The following L3MBTL4 variants were observed in gnomAD, a reference collection of about 807,000 sequenced individuals.
The protein encoded by L3MBTL4 is lethal(3)malignant brain tumor-like protein 4.
L3MBTL4 carries 70 observed loss-of-function variants against 84.5 expected under a neutral mutation model. The ratio of observed to expected loss-of-function variants is 0.83; its 90% CI spans 0.68 to 1.01. The LOEUF (loss-of-function observed/expected upper bound fraction) is 1.01, where lower values mean the gene tolerates loss of function less well. L3MBTL4 is among the 50% of genes least tolerant of loss of function. L3MBTL4 has a pLI of 0.00. For synonymous variants in L3MBTL4, 274 were observed against 259.8 expected, an observed-to-expected ratio of 1.05 and a Z score of -0.52; for missense variants, 715 against 754.8, an observed-to-expected ratio of 0.95 and a Z score of 0.62.
intron 15 of L3MBTL4, chr18:6,082,525 T>G (rs1452571400): frequency 6.6e-6 from 1 of 152,094 alleles, no homozygotes; most frequent in Admixed American, 6.6e-5. Context: ...TTAGCTGTGT[T>G]TACATGATTT....
intron 16 of L3MBTL4, among the ~76,000 whole-genome samples, chr18:6,041,814 T>G (rs905238306): frequency 6.6e-6 from 1 of 152,054 alleles, no homozygotes; most frequent in East Asian, 1.9e-4. Context: ...AGCCTGAACC[T>G]CCCAGGCTCA....
intron 1 of L3MBTL4, among the ~76,000 whole-genome samples, chr18:6,331,888 C>T (rs1356400247): frequency 6.7e-6 from 1 of 149,144 alleles, no homozygotes; most frequent in Non-Finnish European, 1.5e-5. Flanking sequence ...GGAGAAGAGA[C>T]ATAGAGGATA....
intron 1 of L3MBTL4, among the ~76,000 whole-genome samples, chr18:6,391,887 A>G (rs1298146710): frequency 6.6e-6 from 1 of 152,124 alleles, no homozygotes; most frequent in Non-Finnish European, 1.5e-5. Context: ...TCACATGCTC[A>G]TGGATGGGAA....
Position 6,196,157 on chromosome 18 carries a change from CTTTTTT to C in L3MBTL4, c.981+16986_981+16991del, listed in dbSNP as rs71370547. Among the ~76,000 whole-genome samples the C allele has an allele frequency of 1.0e-3, 131 of 130,198 alleles. 2 individuals are homozygous for C. The highest frequency in any genetic ancestry group is 4.2e-3 in the African/African-American group (128 of 30,532). 85.4% of individuals were successfully genotyped at this position (130,198 alleles called of 152,430 possible). ...TCATTTGTGCCTATCTAGAGTTCCT[CTTTTTT>C]TTTTTTTTTTTTGAGACTGAGTCTC... On this transcript the variant is annotated intron_variant, in intron 12 of 18. Coordinates refer to ENST00000317931, the MANE Select transcript of L3MBTL4 (RefSeq NM_001330559.2).
intron 1 of L3MBTL4, among the ~76,000 whole-genome samples, chr18:6,334,027 T>C (rs554583383): frequency 5.9e-5 from 9 of 152,346 alleles, no homozygotes; most frequent in African/African-American, 2.2e-4. Context: ...AGAAAGCACA[T>C]TCTGTACATT....
chr18:6,032,281 A>AT (rs1213978433), intron 16 of L3MBTL4: 1 of 930,268 alleles, frequency 1.1e-6, no homozygotes, highest in East Asian at 1.2e-4. Flanking sequence ...TCGGCCTTAA[A>AT]TTAAAAAAAA....
rs1012783963 is a variant in L3MBTL4, at chr18:5,955,988, A to G, written c.*232T>C. Reference sequence around the variant, plus strand: ...AAATCAGAGCTGAGCGGATCCCACCAAAGATAACAATGTTCGTAAACCAAA... The same window carrying G: ...AAATCAGAGCTGAGCGGATCCCACCGAAGATAACAATGTTCGTAAACCAAA... On this transcript the variant is annotated 3_prime_UTR_variant, in exon 19 of 19. Transcript: ENST00000317931. 2 of 454,700 alleles carry G rather than the reference A, an allele frequency of 4.4e-6. No individual in the cohort carries two copies. The highest frequency in any genetic ancestry group is 4.0e-5 in the African/African-American group (2 of 50,454). The allele number at this position is 454,700 out of a possible 1,614,324, so 28.2% of individuals were successfully genotyped here. A position where few individuals can be genotyped will look rare whatever the true frequency, so the allele number is the denominator to read the frequency against.
chr18:6,065,879 T>C (rs1218654404), intron 16 of L3MBTL4, among the ~76,000 whole-genome samples: 1 of 152,098 alleles, frequency 6.6e-6, no homozygotes, highest in Non-Finnish European at 1.5e-5. Flanking sequence ...ATCTTTAATA[T>C]TTCTTTTCTT....
intron 1 of L3MBTL4, among the ~76,000 whole-genome samples, chr18:6,399,501 T>C (rs1457232550): frequency 6.6e-6 from 1 of 152,200 alleles, no homozygotes; most frequent in Non-Finnish European, 1.5e-5. Flanking sequence ...GCTTTGTTCT[T>C]GAAGGTATAT....
chr18:6,244,643 T>C (rs2047583904), intron 5 of L3MBTL4, 55 bp from the exon 6 acceptor site: 1 of 1,229,282 alleles, frequency 8.1e-7, no homozygotes, highest in African/African-American at 1.5e-5. Flanking sequence ...CAGTTTTATA[T>C]TAAGATATTT....
At chr18:6,062,693 C>T (rs940370792) in intron 16 of L3MBTL4, among the ~76,000 whole-genome samples, 3 of 151,644 alleles carry the variant, frequency 2.0e-5, no homozygotes, top group Non-Finnish European at 4.4e-5. Context: ...TTTCTCTTTG[C>T]TTTTTAGATT....
intron 5 of L3MBTL4, among the ~76,000 whole-genome samples, chr18:6,255,761 C>G (rs903371657): frequency 1.3e-5 from 1 of 77,440 alleles, no homozygotes; most frequent in African/African-American, 5.1e-5. Context: ...CTGAAGGCAA[C>G]AAAATACATA....
chr18:6,405,850 C>T (rs1214761655), intron 1 of L3MBTL4, among the ~76,000 whole-genome samples: 2 of 152,194 alleles, frequency 1.3e-5, no homozygotes, highest in Admixed American at 6.5e-5. Flanking sequence ...AAAGAAGCCT[C>T]AAATTTGAAT....
chr18:6,341,794 A>G (rs566729021), intron 1 of L3MBTL4, among the ~76,000 whole-genome samples: 1 of 152,224 alleles, frequency 6.6e-6, no homozygotes, highest in South Asian at 2.1e-4. Context: ...AGGAAGTCCA[A>G]AGAACCTCAA....
chr18:6,405,924 A>G (rs748659712), intron 1 of L3MBTL4, among the ~76,000 whole-genome samples: 1 of 152,218 alleles, frequency 6.6e-6, no homozygotes, highest in Admixed American at 6.5e-5. Flanking sequence ...TCCTCCTAAT[A>G]TCATTTACAT....
At chr18:6,116,276 A>C in intron 14 of L3MBTL4, among the ~76,000 whole-genome samples, 1 of 151,816 alleles carries the variant, frequency 6.6e-6, no homozygotes, top group African/African-American at 2.4e-5. Context: ...GGCTCCAAGA[A>C]GTGCTGGGGG....
intron 17 of L3MBTL4, among the ~76,000 whole-genome samples, chr18:5,967,886 G>A (rs1483186496): frequency 6.6e-6 from 1 of 152,234 alleles, no homozygotes; most frequent in South Asian, 2.1e-4. Context: ...TGTGAAGGGC[G>A]CCAGGGGGAG....
In L3MBTL4 at chr18:6,263,743, G is replaced by A. The variant is rs533873209; in HGVS notation, c.219+204C>T. Among the ~76,000 whole-genome samples, 3 of 152,298 alleles carry A rather than the reference G, an allele frequency of 2.0e-5. No homozygotes were observed. In the South Asian group the frequency reaches 6.2e-4, roughly 32 times the overall value. On this transcript the variant is annotated intron_variant, in intron 5 of 18. Transcript: ENST00000317931. ...AAACTGAACTGAATGACTTGCCCAAGGTCACAGAGCTGGCAGGTGGCGGCG... is the reference window on the plus strand; with the variant it reads ...AAACTGAACTGAATGACTTGCCCAAAGTCACAGAGCTGGCAGGTGGCGGCG...
intron 13 of L3MBTL4, among the ~76,000 whole-genome samples, chr18:6,170,936 C>T (rs1307746105): frequency 1.3e-5 from 2 of 152,156 alleles, no homozygotes; most frequent in Non-Finnish European, 2.9e-5. Context: ...TGTGCCAATA[C>T]ACTGTAGGCT....
Sources: allele counts gnomAD v4.1 joint callset (sites outside exome capture counted in the v4.1 genomes callset), GRCh38; gene constraint gnomAD v4.1.1; transcripts MANE v1.5; gene names NCBI Gene and HGNC (gene_info 2026-07-23, HGNC 2026-07-21).